FBXL7: variants seen among roughly 807,000 people sequenced by gnomAD.
FBXL7 encodes F-box and leucine rich repeat protein 7, also known as F-box/LRR-repeat protein 7.
In FBXL7, 12 loss-of-function variants were observed where a neutral mutation model predicts 38.3. The observed-to-expected ratio is 0.31, with a 90% confidence interval of 0.20 to 0.51. The LOEUF is 0.51. Among genes scored for constraint, FBXL7 ranks in the 20% least tolerant of loss-of-function variants. FBXL7 has a pLI of 0.98. For synonymous variants in FBXL7, 297 were observed against 300.9 expected, an observed-to-expected ratio of 0.99 and a Z score of 0.13; for missense variants, 567 against 676.4, an observed-to-expected ratio of 0.84 and a Z score of 1.79.
At chr5:15,912,843 G>A (rs968185626) in intron 2 of FBXL7, among the ~76,000 whole-genome samples, 2 of 151,938 alleles carry the variant, frequency 1.3e-5, no homozygotes, top group African/African-American at 2.4e-5. Context: ...GGGGCTCTGG[G>A]GTCTTTAAAG....
Position 15,535,548 on chromosome 5 carries a change from C to T in FBXL7, c.37+34835C>T, listed in dbSNP as rs532374315. ...AGAGACTGGCAGCATTTTGCCCTGG[C>T]GCTAGAGATCTGTGGAACTTTGAGC... On this transcript the variant is annotated intron_variant, in intron 1 of 3. Coordinates refer to ENST00000504595, the MANE Select transcript of FBXL7 (RefSeq NM_012304.5). Among the ~76,000 whole-genome samples the T allele has an allele frequency of 1.1e-3, 170 of 152,270 alleles. 1 individual carries two copies. Among genetic ancestry groups the T allele is most frequent in the Non-Finnish European group, 1.6e-3 (107 of 68,022 alleles).
chr5:15,927,035 G>T (rs1741892669), intron 2 of FBXL7, among the ~76,000 whole-genome samples: 1 of 151,600 alleles, frequency 6.6e-6, no homozygotes, highest in South Asian at 2.1e-4. Flanking sequence ...CTCCAGAATA[G>T]AAACAATGAA....
chr5:15,759,279 A>G (rs752592635), intron 2 of FBXL7, among the ~76,000 whole-genome samples: 2 of 152,222 alleles, frequency 1.3e-5, no homozygotes, highest in Non-Finnish European at 2.9e-5. Flanking sequence ...AAGTGTAAAT[A>G]GTATGGAATC....
intron 2 of FBXL7, among the ~76,000 whole-genome samples, chr5:15,850,771 G>T (rs374877544): frequency 6.6e-5 from 10 of 152,188 alleles, no homozygotes; most frequent in African/African-American, 1.7e-4. Context: ...TTTTGTTCCA[G>T]AGAGTTCACT....
chr5:15,517,542 C>G (rs527358428), intron 1 of FBXL7, among the ~76,000 whole-genome samples: 1 of 152,232 alleles, frequency 6.6e-6, no homozygotes, highest in East Asian at 1.9e-4. Flanking sequence ...GTCATAGGCT[C>G]TGTGGGGAGG....
chr5:15,516,384 C>A (rs1025991431), intron 1 of FBXL7, among the ~76,000 whole-genome samples: 1 of 152,190 alleles, frequency 6.6e-6, no homozygotes, highest in African/African-American at 2.4e-5. Flanking sequence ...TACTAAACTT[C>A]GTACTTTGAG....
chr5:15,898,862 C>G (rs1340733312), intron 2 of FBXL7, among the ~76,000 whole-genome samples: 1 of 152,144 alleles, frequency 6.6e-6, no homozygotes, highest in Non-Finnish European at 1.5e-5. Context: ...TGCTCCTGCT[C>G]AGCCTTTGCC....
At chr5:15,741,340 C>T (rs980120780) in intron 2 of FBXL7, among the ~76,000 whole-genome samples, 6 of 152,224 alleles carry the variant, frequency 3.9e-5, no homozygotes, top group South Asian at 2.1e-4. Context: ...GATCTACTTC[C>T]GTTGGTGATT....
At chr5:15,507,059 A>G (rs1173817932) in intron 1 of FBXL7, among the ~76,000 whole-genome samples, 1 of 151,236 alleles carries the variant, frequency 6.6e-6, no homozygotes, top group Non-Finnish European at 1.5e-5. Flanking sequence ...ATTCAAGGGA[A>G]GGGAGGAGAA....
At chr5:15,782,253 G>A (rs1335994332) in intron 2 of FBXL7, among the ~76,000 whole-genome samples, 1 of 152,104 alleles carries the variant, frequency 6.6e-6, no homozygotes. Context: ...TTTTTTCCAA[G>A]TCTTTGCTAT....
intron 2 of FBXL7, among the ~76,000 whole-genome samples, chr5:15,748,148 G>A (rs1299861558): frequency 6.6e-6 from 1 of 151,806 alleles, no homozygotes; most frequent in African/African-American, 2.4e-5. Flanking sequence ...AACTGGGAGG[G>A]GGTGAGGTAC....
intron 1 of FBXL7, among the ~76,000 whole-genome samples, chr5:15,585,978 GA>G (rs1739288736): frequency 1.3e-5 from 2 of 152,150 alleles, no homozygotes; most frequent in Admixed American, 1.3e-4. Flanking sequence ...TAGGAATCAA[GA>G]AAATATGTGA....
intron 1 of FBXL7, among the ~76,000 whole-genome samples, chr5:15,601,636 C>A (rs1457574132): frequency 1.3e-5 from 2 of 152,162 alleles, no homozygotes; most frequent in African/African-American, 4.8e-5. Flanking sequence ...TTTTCACAAG[C>A]TGGGGGACTC....
chr5:15,763,582 T>A (rs1371703898), intron 2 of FBXL7, among the ~76,000 whole-genome samples: 2 of 152,156 alleles, frequency 1.3e-5, no homozygotes, highest in Non-Finnish European at 2.9e-5. Context: ...ATAATAGCAA[T>A]CTCATAATAT....
chr5:15,856,076 T>A (rs1739261814), intron 2 of FBXL7, among the ~76,000 whole-genome samples: 1 of 152,020 alleles, frequency 6.6e-6, no homozygotes, highest in Admixed American at 6.6e-5. Flanking sequence ...GAAAAAGAGG[T>A]TTCATTGGAC....
At chr5:15,898,282 C>A (rs1431526582) in intron 2 of FBXL7, among the ~76,000 whole-genome samples, 1 of 152,152 alleles carries the variant, frequency 6.6e-6, no homozygotes, top group Admixed American at 6.5e-5. Context: ...ACGAAAATGT[C>A]TGAGCCTCCT....
Position 15,937,509 on chromosome 5 carries a change from T to C in FBXL7, c.*323T>C, listed in dbSNP as rs1742230793. ...TCCGCTCAGGCCCCCAAGGCCGCCC[T>C]TTCCCTCGCACACAGGCCCCACCCC... On this transcript the variant is annotated 3_prime_UTR_variant, in exon 4 of 4. Transcript: ENST00000504595. 2 of 239,222 alleles carry C rather than the reference T, an allele frequency of 8.4e-6. No individual in the cohort carries two copies. Among genetic ancestry groups the C allele is most frequent in the Admixed American group, 5.1e-5 (1 of 19,456 alleles). 14.8% of individuals were successfully genotyped at this position (239,222 alleles called of 1,614,324 possible). A position where few individuals can be genotyped will look rare whatever the true frequency, so the allele number is the denominator to read the frequency against.
intron 2 of FBXL7, among the ~76,000 whole-genome samples, chr5:15,642,348 C>G (rs79599711): frequency 0.03 from 4,515 of 152,152 alleles, 112 homozygotes; most frequent in East Asian, 0.055. Flanking sequence ...CCAAGGGTAC[C>G]CCACACACAC....
intron 2 of FBXL7, among the ~76,000 whole-genome samples, chr5:15,829,513 A>G (rs1447389644): frequency 6.6e-6 from 1 of 152,210 alleles, no homozygotes; most frequent in African/African-American, 2.4e-5. Flanking sequence ...TCATCTCAAG[A>G]AATAAATGGT....
Sources: gnomAD v4.1 joint callset for allele counts (sites outside exome capture counted in the v4.1 genomes callset) on GRCh38, gnomAD v4.1.1 for gene constraint, MANE v1.5 for transcripts, NCBI Gene and HGNC (gene_info 2026-07-23, HGNC 2026-07-21) for gene names.